The following FBXO38 variants were observed in gnomAD, a reference collection of about 807,000 sequenced individuals.
The protein encoded by FBXO38 is F-box protein 38.
Under a neutral mutation model 131.9 loss-of-function variants are expected in FBXO38, and 53 were observed. The ratio of observed to expected loss-of-function variants is 0.40; its 90% CI spans 0.32 to 0.51. FBXO38 has a LOEUF of 0.51. Among genes scored for constraint, FBXO38 ranks in the 20% least tolerant of loss-of-function variants. FBXO38 has a pLI of 0.53. For synonymous variants in FBXO38, 452 were observed against 505.6 expected, an observed-to-expected ratio of 0.89 and a Z score of 1.42; for missense variants, 1,076 against 1,475.6, an observed-to-expected ratio of 0.73 and a Z score of 4.44.
chr5:148,406,138 G>A (rs1752432789), intron 6 of FBXO38, 119 bp from the exon 7 acceptor site: 1 of 941,470 alleles, frequency 1.1e-6, no homozygotes, highest in African/African-American at 1.7e-5. Context: ...ATTTCAGAGA[G>A]CCAATTTGGC....
intron 5 of FBXO38, among the ~76,000 whole-genome samples, chr5:148,402,829 C>T (rs6875687): frequency 0.03 from 4,558 of 152,144 alleles, 217 homozygotes; most frequent in African/African-American, 0.1. Context: ...GAAAGGAATT[C>T]GGGGGTCCCT....
intron 1 of FBXO38, among the ~76,000 whole-genome samples, chr5:148,392,581 TTG>T (rs55667300): frequency 0.19 from 26,354 of 141,622 alleles, 2,585 homozygotes; most frequent in Non-Finnish European, 0.24. Context: ...TTGCTTTTCT[TTG>T]TGTGTGTGTG....
intron 2 of FBXO38, 99 bp from the exon 3 acceptor site, chr5:148,398,900 T>A (rs1751980587): frequency 7.7e-7 from 1 of 1,303,376 alleles, no homozygotes; most frequent in Non-Finnish European, 1.1e-6. Context: ...CTTATTTCAT[T>A]TGAGTGGTAG....
intron 11 of FBXO38, 80 bp from the exon 12 acceptor site, chr5:148,416,914 G>A (rs1753087236): frequency 5.1e-6 from 4 of 786,962 alleles, no homozygotes; most frequent in South Asian, 4.4e-5. Flanking sequence ...TAATGTAAAG[G>A]TGAAATGAAG....
Position 148,387,850 on chromosome 5 carries a change from C to A in FBXO38, c.-64+3811C>A, listed in dbSNP as rs148886138. Among the ~76,000 whole-genome samples the A allele has an allele frequency of 5.5e-3, 837 of 152,084 alleles. 34 individuals are homozygous for A. In the East Asian group the frequency reaches 0.1, roughly 19 times the overall value. ...GGGATTACAGGCACATGCCACCACACCCAGCTAATTTTTGTATTTTCAGTA... is the reference window on the plus strand; with the variant it reads ...GGGATTACAGGCACATGCCACCACAACCAGCTAATTTTTGTATTTTCAGTA... On this transcript the variant is annotated intron_variant, in intron 1 of 21. Transcript: ENST00000340253.
At chr5:148,392,581 T>TTGTGTG (rs55667300) in intron 1 of FBXO38, among the ~76,000 whole-genome samples, 8,878 of 141,880 alleles carry the variant, frequency 0.063, 498 homozygotes, top group African/African-American at 0.15. Context: ...TTGCTTTTCT[T>TTGTGTG]TGTGTGTGTG....
chr5:148,409,963 C>G (rs1044617379), intron 8 of FBXO38, among the ~76,000 whole-genome samples: 2 of 152,208 alleles, frequency 1.3e-5, no homozygotes, highest in African/African-American at 4.8e-5. Flanking sequence ...CACATTGACT[C>G]TTCAGGTTTA....
rs1291648115 is a variant in FBXO38 at position 148,410,085 on chromosome 5, G to T, written c.963-550G>T. Among the ~76,000 whole-genome samples, 3 of 152,112 alleles carry T rather than the reference G, an allele frequency of 2.0e-5. No individual in the cohort carries two copies. The East Asian group carries it at 5.8e-4, about 29-fold the overall frequency. On this transcript the variant is annotated intron_variant, in intron 8 of 21. Transcript: ENST00000340253. ...TACACTTTGCAGATACTCCTTTGAA[G>T]AAAATATTTTTTTTTTCAATGGAGG...
At position 148,442,463 on chromosome 5, in the gene FBXO38, G is replaced by C. The variant is rs1754745672; in HGVS notation, c.*316G>C. ...TCATGAAGTATCATTTTTTGACTGA[G>C]TCTCCATTTACTTCATTCTTAATGA... On this transcript the variant is annotated 3_prime_UTR_variant, in exon 22 of 22. Coordinates refer to ENST00000340253, the MANE Select transcript of FBXO38 (RefSeq NM_205836.3). 5.5e-6 allele frequency: 1 copy of C among 182,166 alleles called. No homozygotes were observed. Among genetic ancestry groups the C allele is most frequent in the African/African-American group, 2.4e-5 (1 of 42,526 alleles). 11.3% of individuals were successfully genotyped at this position (182,166 alleles called of 1,614,324 possible).
At chr5:148,400,554 A>G (rs187334761) in intron 3 of FBXO38, among the ~76,000 whole-genome samples, 42 of 152,274 alleles carry the variant, frequency 2.8e-4, no homozygotes, top group African/African-American at 7.2e-5. Flanking sequence ...GTTGAAGCAA[A>G]CAGTCTCTAG....
rs187292361 is a variant in FBXO38, at chr5:148,417,114, G to A, written c.1528G>A (p.Asp510Asn). The A allele has an allele frequency of 9.3e-6, 15 of 1,613,566 alleles. No homozygotes were observed. The Admixed American group carries it at 1.2e-4, about 13-fold the overall frequency. Residue 510 changes from aspartate to asparagine, a missense_variant, in exon 12 of 22, where the codon GAC (aspartate) becomes AAC (asparagine). Asp to Asn is a conservative substitution (Grantham distance 23). This residue lies in a region of FBXO38 where 212 missense variants were observed against 221.2 expected (regional missense o/e 0.96). Coordinates refer to ENST00000340253, the MANE Select transcript of FBXO38 (RefSeq NM_205836.3). ...CCAGAATAACAATGCCAACATCCAC[G>A]ACAACAATCACCATCATCCAGATGA... ...NAQNNNANIHDNNHHHPDDSD... is the reference protein window; with the variant it reads ...NAQNNNANIHNNNHHHPDDSD...
chr5:148,442,794 A>T lies in FBXO38; in HGVS notation c.*647A>T, dbSNP rs1200436228. On this transcript the variant is annotated 3_prime_UTR_variant, in exon 22 of 22. Transcript: ENST00000340253. The stretch of plus-strand genomic sequence containing the variant: ...TTTATTTCCACATTGAATTGTGTAT[A>T]TGCTTTATCTTGAATATAAAATAAA... The T allele has an allele frequency of 6.6e-6, 1 of 152,182 alleles. No homozygotes were observed. The highest frequency in any genetic ancestry group is 1.5e-5 in the Non-Finnish European group (1 of 68,032). 9.4% of individuals were successfully genotyped at this position (152,182 alleles called of 1,614,324 possible).
At chr5:148,440,628 C>T (rs1754623752) in intron 20 of FBXO38, 101 bp downstream of exon 20, 3 of 681,782 alleles carry the variant, frequency 4.4e-6, no homozygotes, top group Non-Finnish European at 7.3e-6. Context: ...TCACTTGAGC[C>T]CAAGAGTTCA....
At chr5:148,401,530 CTAACGATGAGGAT>C (rs1280135768) in intron 3 of FBXO38, among the ~76,000 whole-genome samples, 11 of 152,214 alleles carry the variant, frequency 7.2e-5, no homozygotes, top group Admixed American at 6.5e-4. Flanking sequence ...TGTGAGCTTC[CTAACGATGAGGAT>C]CATATCTTAT....
intron 8 of FBXO38, among the ~76,000 whole-genome samples, chr5:148,409,848 T>C (rs1295159589): frequency 2.6e-5 from 4 of 152,318 alleles, no homozygotes; most frequent in Admixed American, 6.5e-5. Context: ...TTTCTAAGTT[T>C]AGGTAGGTAT....
At position 148,421,044 on chromosome 5, in the gene FBXO38, A is replaced by G. The variant is rs1242962581; in HGVS notation, c.1619-2954A>G. Reference sequence around the variant, plus strand: ...TGCAGTGGCATGATCTTGGCTCACTACAACCTCCGCCTCCTGGGTTCAAGC... The same window carrying G: ...TGCAGTGGCATGATCTTGGCTCACTGCAACCTCCGCCTCCTGGGTTCAAGC... On this transcript the variant is annotated intron_variant, in intron 12 of 21. Coordinates refer to ENST00000340253, the MANE Select transcript of FBXO38 (RefSeq NM_205836.3). Among the ~76,000 whole-genome samples the G allele has an allele frequency of 1.3e-5, 2 of 151,310 alleles. 1 individual carries two copies. Among genetic ancestry groups the G allele is most frequent in the Admixed American group, 1.3e-4 (2 of 15,202 alleles).
intron 12 of FBXO38, among the ~76,000 whole-genome samples, chr5:148,417,897 TG>T (rs1234148227): frequency 6.6e-6 from 1 of 152,206 alleles, no homozygotes; most frequent in Non-Finnish European, 1.5e-5. Flanking sequence ...ATCCTTTTGT[TG>T]TTCCCCATTT....
intron 9 of FBXO38, among the ~76,000 whole-genome samples, chr5:148,412,238 T>G (rs1416908189): frequency 1.3e-5 from 2 of 152,214 alleles, no homozygotes; most frequent in African/African-American, 4.8e-5. Flanking sequence ...TTCTTCCATA[T>G]GCATACTATC....
At chr5:148,387,083 C>T (rs908519941) in intron 1 of FBXO38, among the ~76,000 whole-genome samples, 1 of 151,958 alleles carries the variant, frequency 6.6e-6, no homozygotes, top group Non-Finnish European at 1.5e-5. Flanking sequence ...TTGATTGGCT[C>T]TTCCTTCTAG....
Sources: allele counts gnomAD v4.1 joint callset (sites outside exome capture counted in the v4.1 genomes callset), GRCh38; gene constraint gnomAD v4.1.1; regional missense constraint gnomAD v4.1.1; transcripts MANE v1.5; gene names NCBI Gene and HGNC (gene_info 2026-07-23, HGNC 2026-07-21).